FRAS1: variants seen among roughly 807,000 people sequenced by gnomAD.
FRAS1 encodes extracellular matrix organizing protein FRAS1.
Under a neutral mutation model 435.2 loss-of-function variants are expected in FRAS1, and 290 were observed. The ratio of observed to expected loss-of-function variants is 0.67; its 90% confidence interval spans 0.61 to 0.73. The LOEUF (loss-of-function observed/expected upper bound fraction) is 0.73. Ranked by LOEUF, FRAS1 falls within the 30% of genes least tolerant of loss-of-function variation. The pLI is 0.00. For synonymous variants in FRAS1, 1,800 were observed against 1,851.0 expected (o/e 0.97, Z 0.71); for missense variants, 4,860 against 5,001.5 (o/e 0.97, Z 0.85).
intron 2 of FRAS1, among the ~76,000 whole-genome samples, chr4:78,166,495 T>C (rs1336765507): frequency 6.6e-6 from 1 of 152,152 alleles, no homozygotes; most frequent in African/African-American, 2.4e-5. Flanking sequence ...TTAGTAAACA[T>C]TTAATTTAAA....
intron 26 of FRAS1, among the ~76,000 whole-genome samples, chr4:78,377,572 A>G (rs1047918379): frequency 1.8e-4 from 27 of 152,316 alleles, no homozygotes; most frequent in Non-Finnish European, 2.4e-4. Context: ...TGTCCATCAG[A>G]TGTTTCATGT....
At chr4:78,255,455 G>A in intron 6 of FRAS1, 80 bp downstream of exon 6, 1 of 1,368,554 alleles carries the variant, frequency 7.3e-7, no homozygotes, top group African/African-American at 1.5e-5. Flanking sequence ...TGGCAGGCAG[G>A]CCTCAGAAGC....
At chr4:78,436,292 GCATATTAAAAC>G (rs1488762388) in intron 38 of FRAS1, among the ~76,000 whole-genome samples, 3 of 152,172 alleles carry the variant, frequency 2.0e-5, no homozygotes, top group Non-Finnish European at 2.9e-5. Context: ...GTCAGGGAAA[GCATATTAAAAC>G]CATATACCAT....
chr4:78,434,179 A>G (rs999920813), intron 38 of FRAS1, among the ~76,000 whole-genome samples: 4 of 152,230 alleles, frequency 2.6e-5, no homozygotes, highest in Admixed American at 6.5e-5. Context: ...ATAAAGGTTT[A>G]GGAACAGATG....
At chr4:78,196,956 G>A (rs1309065033) in intron 2 of FRAS1, among the ~76,000 whole-genome samples, 1 of 152,138 alleles carries the variant, frequency 6.6e-6, no homozygotes, top group East Asian at 1.9e-4. Context: ...ATGCAGGGAA[G>A]TATGAAAAAC....
chr4:78,115,199 C>T (rs13120423), intron 2 of FRAS1, among the ~76,000 whole-genome samples: 11 of 150,274 alleles, frequency 7.3e-5, no homozygotes, highest in South Asian at 2.1e-4. Context: ...ATGGTGGATA[C>T]GCTTATTGAT....
chr4:78,059,912 AG>A (rs1280835300), intron 1 of FRAS1, among the ~76,000 whole-genome samples: 3 of 145,720 alleles, frequency 2.1e-5, no homozygotes, highest in Non-Finnish European at 4.5e-5. Context: ...GGGCGGAGAG[AG>A]GGTGTGGATA....
chr4:78,147,964 G>A (rs1047996218), intron 2 of FRAS1, among the ~76,000 whole-genome samples: 1 of 152,136 alleles, frequency 6.6e-6, no homozygotes, highest in African/African-American at 2.4e-5. Flanking sequence ...TTTCTGACAT[G>A]TGGAGGTAGT....
chr4:78,225,669 T>C (rs1724239865), intron 2 of FRAS1, among the ~76,000 whole-genome samples: 1 of 152,230 alleles, frequency 6.6e-6, no homozygotes, highest in African/African-American at 2.4e-5. Context: ...TTGCTTACCA[T>C]GTGATAGATC....
At chr4:78,144,454 G>A (rs545965748) in intron 2 of FRAS1, among the ~76,000 whole-genome samples, 164 of 123,884 alleles carry the variant, frequency 1.3e-3, no homozygotes, top group Non-Finnish European at 2.2e-3. Context: ...TAAAATAAGT[G>A]TGTGTGTGTG....
At position 78,541,454 on chromosome 4, in the gene FRAS1, C is replaced by G. The variant is rs1722049452; in HGVS notation, c.*330C>G. On this transcript the variant is annotated 3_prime_UTR_variant, in exon 74 of 74. Coordinates refer to ENST00000512123, the MANE Select transcript of FRAS1 (RefSeq NM_025074.7). ...AGGTTAGCAGATGGAGATGAGAGGA[C>G]TGGGTAGAGTACCATGGCAGATCTC... 5.6e-6 allele frequency: 1 copy of G among 180,054 alleles called. No individual in the cohort carries two copies. Among genetic ancestry groups the G allele is most frequent in the African/African-American group, 2.3e-5 (1 of 42,702 alleles). The allele number at this position is 180,054 out of a possible 1,614,324, so 11.2% of individuals were successfully genotyped here. A position where few individuals can be genotyped will look rare whatever the true frequency, so the allele number is the denominator to read the frequency against.
intron 22 of FRAS1, among the ~76,000 whole-genome samples, chr4:78,364,835 T>C (rs1040768932): frequency 1.3e-5 from 2 of 152,232 alleles, no homozygotes; most frequent in African/African-American, 4.8e-5. Flanking sequence ...GTATTTCAGT[T>C]GTGTGTTCTA....
chr4:78,174,021 C>A (rs761033424), intron 2 of FRAS1, among the ~76,000 whole-genome samples: 55 of 152,318 alleles, frequency 3.6e-4, no homozygotes, highest in Admixed American at 1.8e-3. Flanking sequence ...CTCTTGATTG[C>A]CACGTCCCTT....
intron 14 of FRAS1, 135 bp from the exon 15 acceptor site, chr4:78,307,931 A>G (rs1728854286): frequency 1.2e-6 from 1 of 808,952 alleles, no homozygotes. Context: ...CCTGAGGTGT[A>G]CATGTGTCAA....
At chr4:78,505,842 C>G (rs964907096) in intron 61 of FRAS1, among the ~76,000 whole-genome samples, 3 of 152,184 alleles carry the variant, frequency 2.0e-5, no homozygotes, top group Non-Finnish European at 4.4e-5. Flanking sequence ...CTTTTCTGTT[C>G]TGGTTTATCC....
chr4:78,337,291 C>A (rs1041882917), intron 19 of FRAS1, among the ~76,000 whole-genome samples: 16 of 152,162 alleles, frequency 1.1e-4, no homozygotes, highest in African/African-American at 3.9e-4. Context: ...CCCTTCTTCT[C>A]CCTGTCCCAC....
chr4:78,058,123 T>C, intron 1 of FRAS1, 38 bp downstream of exon 1: 1 of 1,520,708 alleles, frequency 6.6e-7, no homozygotes, highest in Non-Finnish European at 9.1e-7. Flanking sequence ...TGTGTGTGCG[T>C]GTGCGTGTGT....
chr4:78,508,791 T>G lies in FRAS1; in HGVS notation c.9565T>G (p.Ser3189Ala), dbSNP rs764967417. 2 of 1,613,428 alleles carry G rather than the reference T, an allele frequency of 1.2e-6. No individual in the cohort carries two copies. The highest frequency in any genetic ancestry group is 1.7e-6 in the Non-Finnish European group (2 of 1,179,716). ...EEVTKEGVKK[S>A]PSPGYPLVCV... ...AGTTACCAAGGAAGGAGTCAAGAAA[T>G]CCCCCTCCCCAGGCTACCCACTGGT... Residue 3189 changes from serine to alanine, a missense_variant, in exon 63 of 74, where the codon TCC (serine) becomes GCC (alanine). Physicochemically the swap from Ser to Ala is moderately conservative, Grantham distance 99. Coordinates refer to ENST00000512123, the MANE Select transcript of FRAS1 (RefSeq NM_025074.7).
intron 42 of FRAS1, 73 bp downstream of exon 42, chr4:78,445,785 T>A: frequency 6.6e-7 from 1 of 1,514,974 alleles, no homozygotes; most frequent in Non-Finnish European, 8.9e-7. Flanking sequence ...GCTTTCTTTA[T>A]AGGGACTCAA....
Sources: allele counts gnomAD v4.1 joint callset (sites outside exome capture counted in the v4.1 genomes callset), GRCh38; gene constraint gnomAD v4.1.1; transcripts MANE v1.5; gene names NCBI Gene and HGNC (gene_info 2026-07-23, HGNC 2026-07-21).